SNX24: variants seen among roughly 807,000 people sequenced by gnomAD.
SNX24 encodes the protein sorting nexin-24.
In SNX24, 22 loss-of-function variants were observed where a neutral mutation model predicts 28.7. The observed-to-expected ratio is 0.77, with a 90% CI of 0.55 to 1.10. The LOEUF (loss-of-function observed/expected upper bound fraction) is 1.10. Among genes scored for constraint, SNX24 ranks in the 50% least tolerant of loss-of-function variants. The pLI is 0.00. For missense variants in SNX24, 221 were observed against 201.1 expected (o/e 1.10, Z -0.60); for synonymous variants, 69 against 71.5 (o/e 0.96, Z 0.18).
rs140800533 is a variant in SNX24, at chr5:122,848,732, T to G, written c.60+3039T>G. Among the ~76,000 whole-genome samples, 3 of 147,004 alleles carry G rather than the reference T, an allele frequency of 2.0e-5. No homozygotes were observed. In the South Asian group the frequency reaches 6.5e-4, roughly 32 times the overall value. Reference sequence around the variant, plus strand: ...TCAAAATAAAAAATAAAAATAAAATTTAAAACACATTACATCACATTCTAA... The same window carrying G: ...TCAAAATAAAAAATAAAAATAAAATGTAAAACACATTACATCACATTCTAA... On this transcript the variant is annotated intron_variant, in intron 1 of 6. Transcript: ENST00000261369.
At chr5:123,002,340 T>C (rs1762273966) in intron 6 of SNX24, among the ~76,000 whole-genome samples, 1 of 152,188 alleles carries the variant, frequency 6.6e-6, no homozygotes, top group Admixed American at 6.5e-5. Flanking sequence ...GCTCTAGTCC[T>C]TTTTAAAAAT....
At chr5:123,014,049 C>G (rs1762638510), downstream of SNX24, among the ~76,000 whole-genome samples, 2 of 152,182 alleles carry the variant, frequency 1.3e-5, no homozygotes, top group South Asian at 4.1e-4. Flanking sequence ...TGTGTGTATT[C>G]TTATTCCAAT....
intron 3 of SNX24, among the ~76,000 whole-genome samples, chr5:122,985,870 C>T (rs1039745377): frequency 5.9e-5 from 9 of 152,222 alleles, no homozygotes; most frequent in Non-Finnish European, 1.0e-4. Context: ...CCTTTCTTTG[C>T]TGCAGAGATA....
chr5:122,914,002 C>T (rs998259228), intron 1 of SNX24, among the ~76,000 whole-genome samples: 3 of 152,078 alleles, frequency 2.0e-5, no homozygotes, highest in Admixed American at 6.5e-5. Flanking sequence ...CGCAGGCACT[C>T]GGCAGGCTGA....
intron 6 of SNX24, among the ~76,000 whole-genome samples, chr5:123,002,934 T>TG (rs1378755402): frequency 2.0e-5 from 3 of 152,190 alleles, no homozygotes; most frequent in African/African-American, 7.2e-5. Flanking sequence ...ATGAGAAAAT[T>TG]GGGGTCCAGG....
At chr5:122,988,684 T>G (rs778811049) in intron 3 of SNX24, among the ~76,000 whole-genome samples, 9 of 152,198 alleles carry the variant, frequency 5.9e-5, no homozygotes, top group Non-Finnish European at 1.3e-4. Flanking sequence ...AGTCTATGAT[T>G]TGTTTAAAAG....
chr5:122,886,378 T>C (rs1172950691), intron 1 of SNX24, among the ~76,000 whole-genome samples: 1 of 152,216 alleles, frequency 6.6e-6, no homozygotes, highest in African/African-American at 2.4e-5. Context: ...TGTCTCTCTC[T>C]CTCCTCTCTT....
At chr5:122,940,292 A>T (rs1392836958) in intron 2 of SNX24, among the ~76,000 whole-genome samples, 1 of 151,818 alleles carries the variant, frequency 6.6e-6, no homozygotes, top group Non-Finnish European at 1.5e-5. Flanking sequence ...CCGCGCCCAG[A>T]CTAATTTTTC....
At chr5:123,020,246 TTTTC>T (rs1020519625) in intron 5 of SNX24, among the ~76,000 whole-genome samples, 4 of 152,248 alleles carry the variant, frequency 2.6e-5, no homozygotes, top group Non-Finnish European at 4.4e-5. Flanking sequence ...AAGAGAATTG[TTTTC>T]TTTTTCTGAT....
At chr5:122,849,804 C>G (rs555682753) in intron 1 of SNX24, among the ~76,000 whole-genome samples, 2 of 152,192 alleles carry the variant, frequency 1.3e-5, no homozygotes, top group African/African-American at 4.8e-5. Flanking sequence ...TAGTGTCCAT[C>G]TCCACTGTTG....
chr5:122,928,917 G>C (rs1054849188), intron 1 of SNX24, among the ~76,000 whole-genome samples: 3 of 150,650 alleles, frequency 2.0e-5, no homozygotes, highest in African/African-American at 4.9e-5. Context: ...CAAAATTATA[G>C]CCGTATACTC....
chr5:122,967,943 C>T (rs1760781390), intron 3 of SNX24, among the ~76,000 whole-genome samples: 1 of 152,180 alleles, frequency 6.6e-6, no homozygotes, highest in Non-Finnish European at 1.5e-5. Flanking sequence ...AGAGTAAAGG[C>T]CCTTCGGACA....
chr5:122,965,197 T>C (rs1760667808), intron 3 of SNX24, among the ~76,000 whole-genome samples: 3 of 152,374 alleles, frequency 2.0e-5, no homozygotes, highest in Middle Eastern at 3.4e-3. Flanking sequence ...TGGTTAATTA[T>C]GCTGAAGTCA....
intron 1 of SNX24, among the ~76,000 whole-genome samples, chr5:122,913,873 C>T (rs1438532380): frequency 2.0e-5 from 3 of 152,152 alleles, no homozygotes; most frequent in East Asian, 3.9e-4. Flanking sequence ...CTTGGGAGGC[C>T]GAGGCTGGCG....
intron 1 of SNX24, among the ~76,000 whole-genome samples, chr5:122,934,749 GAAGA>G (rs1178796796): frequency 6.6e-6 from 1 of 152,218 alleles, no homozygotes; most frequent in African/African-American, 2.4e-5. Context: ...CCAGAATTTA[GAAGA>G]AAGTCTTGAT....
chr5:122,845,898 C>T (rs1473812923), intron 1 of SNX24, among the ~76,000 whole-genome samples: 1 of 152,118 alleles, frequency 6.6e-6, no homozygotes, highest in East Asian at 2.0e-4. Flanking sequence ...TGCGGGCGCC[C>T]CTAGCCCCTC....
intron 1 of SNX24, among the ~76,000 whole-genome samples, chr5:122,894,325 T>G (rs186926816): frequency 6.6e-6 from 1 of 152,292 alleles, no homozygotes; most frequent in East Asian, 1.9e-4. Flanking sequence ...CACACGCTTA[T>G]TTTATCCCTA....
At chr5:122,913,169 C>T (rs1005457412) in intron 1 of SNX24, among the ~76,000 whole-genome samples, 1 of 152,254 alleles carries the variant, frequency 6.6e-6, no homozygotes, top group African/African-American at 2.4e-5. Flanking sequence ...CACCTTTCCC[C>T]CTTTTCTATT....
rs1762813124 is a variant in SNX24, at chr5:123,024,023, C to T, written n.384-5215C>T. On this transcript the variant is annotated intron_variant and non_coding_transcript_variant, in intron 5 of 5. Coordinates refer to the SNX24 transcript ENST00000502387. The stretch of plus-strand genomic sequence containing the variant: ...CACTGTCTGGTGAGAGAAAAGTAGA[C>T]ACATGGTTTAATTCTGACCAGCAGC... 3.7e-6 allele frequency: 6 copies of T among 1,609,232 alleles called. 1 individual carries two copies. Among genetic ancestry groups the T allele is most frequent in the Middle Eastern group, 3.3e-4 (2 of 6,038 alleles).
Sources: allele counts gnomAD v4.1 joint callset (sites outside exome capture counted in the v4.1 genomes callset), GRCh38; gene constraint gnomAD v4.1.1; transcripts MANE v1.5; gene names NCBI Gene and HGNC (gene_info 2026-07-23, HGNC 2026-07-21).